Variants in DNAH9 observed in about 807,000 individuals in gnomAD.
The protein encoded by DNAH9 is dynein axonemal heavy chain 9.
Under a neutral mutation model 471.6 loss-of-function variants are expected in DNAH9, and 345 were observed. The observed-to-expected ratio is 0.73, with a 90% confidence interval of 0.67 to 0.80. The LOEUF is 0.80. Among genes scored for constraint, DNAH9 ranks in the 30% least tolerant of loss-of-function variants. DNAH9 has a pLI of 0.00. For missense variants in DNAH9, 5,407 were observed against 5,609.2 expected, an observed-to-expected ratio of 0.96 and a Z score of 1.15; for synonymous variants, 2,093 against 2,123.6, an observed-to-expected ratio of 0.99 and a Z score of 0.40.
intron 67 of DNAH9, among the ~76,000 whole-genome samples, chr17:11,955,064 T>C (rs1004577608): frequency 6.6e-6 from 1 of 152,118 alleles, no homozygotes; most frequent in African/African-American, 2.4e-5. Flanking sequence ...TCTTACAGCA[T>C]ATGTGGAGTG....
In DNAH9 at chr17:11,694,409, C is replaced by T; in HGVS notation, c.4834C>T (p.Leu1612=). 3 of 1,613,438 alleles carry T rather than the reference C, an allele frequency of 1.9e-6. No individual in the cohort carries two copies. The highest frequency in any genetic ancestry group is 2.5e-6 in the Non-Finnish European group (3 of 1,179,908). Residue 1612 remains leucine, a synonymous_variant, in exon 22 of 69, where the codon CTG becomes TTG. Transcript: ENST00000262442. Reference sequence around the variant, plus strand: ...GTTTTACTTTCTCTCCTCCTCCGATCTGTTAGACATCCTTTCCAACGGCAC... The same window carrying T: ...GTTTTACTTTCTCTCCTCCTCCGATTTGTTAGACATCCTTTCCAACGGCAC... ...PRFYFLSSSD[L]LDILSNGTAP...
At position 11,881,087 on chromosome 17, in the gene DNAH9, T is replaced by C. The variant is rs1229483075; in HGVS notation, c.10602-122T>C. On this transcript the variant is annotated intron_variant, in intron 54 of 68. Transcript: ENST00000262442. The stretch of plus-strand genomic sequence containing the variant: ...GTGCAAAAAAGAATCCCAGGGCTCA[T>C]CCTAGACATAGGAGGAATCCATCTG... The C allele has an allele frequency of 4.4e-6, 4 of 907,366 alleles. No individual in the cohort carries two copies. In the Admixed American group the frequency reaches 7.9e-5, roughly 18 times the overall value. The allele number at this position is 907,366 out of a possible 1,614,324, so 56.2% of individuals were successfully genotyped here.
At chr17:11,915,866 T>C (rs1343678112) in intron 61 of DNAH9, among the ~76,000 whole-genome samples, 3 of 152,264 alleles carry the variant, frequency 2.0e-5, no homozygotes, top group African/African-American at 7.2e-5. Flanking sequence ...TTAATCATTC[T>C]GTTATAATTT....
chr17:11,606,044 C>A (rs565219592), intron 1 of DNAH9, among the ~76,000 whole-genome samples: 1 of 152,140 alleles, frequency 6.6e-6, no homozygotes, highest in Non-Finnish European at 1.5e-5. Context: ...TCCTCTTTCC[C>A]GGTTAGGACT....
chr17:11,807,882 C>A lies in DNAH9; in HGVS notation c.8571C>A (p.Ile2857=), dbSNP rs1425176142. 1.2e-6 allele frequency: 2 copies of A among 1,604,920 alleles called. No homozygotes were observed. Among genetic ancestry groups the A allele is most frequent in the South Asian group, 2.2e-5 (2 of 90,654 alleles). The part of the protein sequence containing the change: ...FQITLRKGYQ[I]QDFKMDLASL... ...TCACACTGCGCAAAGGCTACCAGAT[C>A]CAGGACTTCAAGGTAAAAGGTCAGG... Residue 2857 remains isoleucine, a synonymous_variant, in exon 44 of 69, where the codon ATC becomes ATA. Transcript: ENST00000262442.
intron 48 of DNAH9, among the ~76,000 whole-genome samples, chr17:11,826,820 C>CTTTTTTTTTTT (rs760330537): frequency 1.9e-5 from 2 of 103,022 alleles, no homozygotes; most frequent in East Asian, 3.5e-4. Flanking sequence ...TCCCTACTTT[C>CTTTTTTTTTTT]TTTTTTTTTT....
chr17:11,735,965 T>G (rs2075340464), intron 28 of DNAH9, among the ~76,000 whole-genome samples: 1 of 152,214 alleles, frequency 6.6e-6, no homozygotes, highest in African/African-American at 2.4e-5. Flanking sequence ...GCTGCTCCAC[T>G]TACCAACTGT....
chr17:11,775,705 C>A (rs965640027), intron 38 of DNAH9, among the ~76,000 whole-genome samples: 2 of 148,078 alleles, frequency 1.4e-5, no homozygotes, highest in South Asian at 2.2e-4. Context: ...CCTGGGTTCA[C>A]GCCATTCTCC....
At chr17:11,844,869 T>C (rs1313541028) in intron 49 of DNAH9, among the ~76,000 whole-genome samples, 1 of 152,220 alleles carries the variant, frequency 6.6e-6, no homozygotes, top group Non-Finnish European at 1.5e-5. Flanking sequence ...TTGTATTTCA[T>C]TGCGGTTTTG....
chr17:11,869,151 G>A lies in DNAH9; in HGVS notation c.9951G>A (p.Leu3317=), dbSNP rs1432045051. 8 of 1,613,590 alleles carry A rather than the reference G, an allele frequency of 5.0e-6. No homozygotes were observed. In the South Asian group the frequency reaches 8.8e-5, roughly 18 times the overall value. ...KAKIAHLNEN[L]AKLTARFEKA... is the part of the protein sequence containing the mutation. ...CTAAACAGCACCTTAATGAAAACCT[G>A]GCAAAGCTCACAGCCAGGTTTGAGA... The change falls in exon 51 of 69, where the codon CTG becomes CTA. Residue 3317 remains leucine (L), a synonymous_variant. Transcript: ENST00000262442.
chr17:11,699,492 T>A (rs2074553767), intron 22 of DNAH9, among the ~76,000 whole-genome samples: 4 of 152,220 alleles, frequency 2.6e-5, no homozygotes. Context: ...GTGACTTAGT[T>A]GGTTTATAGC....
At chr17:11,961,562 T>C (rs1976184157) in intron 67 of DNAH9, among the ~76,000 whole-genome samples, 1 of 152,170 alleles carries the variant, frequency 6.6e-6, no homozygotes, top group Non-Finnish European at 1.5e-5. Context: ...CCACAAGTGG[T>C]TTAAGGTCTG....
rs188778223 is a variant in DNAH9, at chr17:11,892,285, C to T, written c.11283+338C>T. Among the ~76,000 whole-genome samples the T allele has an allele frequency of 3.3e-5, 5 of 152,276 alleles. No individual in the cohort carries two copies. The highest frequency in any genetic ancestry group is 1.9e-4 in the East Asian group (1 of 5,180). On this transcript the variant is annotated intron_variant, in intron 58 of 68. Transcript: ENST00000262442. This position sits in a 1 kb window ranked among gnomAD's most constrained non-coding sequence, Gnocchi z 4.3. The stretch of plus-strand genomic sequence containing the variant: ...AGATGAAACCATACCAATAACCAGA[C>T]GCTTTTTGAAATGCTGTAAGAAATT...
intron 21 of DNAH9, 31 bp from the exon 22 acceptor site, chr17:11,694,290 A>C (rs1464907237): frequency 6.2e-7 from 1 of 1,612,624 alleles, no homozygotes; most frequent in Non-Finnish European, 8.5e-7. Context: ...AGACATTCTT[A>C]ACTGGGAAAT....
chr17:11,946,675 A>G (rs1490954289), intron 67 of DNAH9, among the ~76,000 whole-genome samples: 3 of 151,372 alleles, frequency 2.0e-5, no homozygotes, highest in Non-Finnish European at 2.9e-5. Flanking sequence ...AAAAAAAAAA[A>G]AAAAAGAAAA....
intron 26 of DNAH9, among the ~76,000 whole-genome samples, chr17:11,716,090 T>C (rs1212720943): frequency 6.7e-6 from 1 of 149,078 alleles, no homozygotes; most frequent in Non-Finnish European, 1.5e-5. Flanking sequence ...CTCTTTTTTT[T>C]TTTTTTTTTT....
At chr17:11,919,531 A>G (rs1326915178) in intron 61 of DNAH9, among the ~76,000 whole-genome samples, 5 of 150,672 alleles carry the variant, frequency 3.3e-5, no homozygotes, top group Admixed American at 3.3e-4. Flanking sequence ...AGAGGGATCC[A>G]TTAGGAGACA....
At position 11,752,970 on chromosome 17, in the gene DNAH9, T is replaced by C; in HGVS notation, c.6738+10T>C. ...CATGGATGATAACAAGGTATGAAAT[T>C]GGGGGATATCCCTAGATCATTTCTA... On this transcript the variant is annotated intron_variant, in intron 33 of 68. Coordinates refer to ENST00000262442, the MANE Select transcript of DNAH9 (RefSeq NM_001372.4). 1 of 1,578,584 alleles carries C rather than the reference T, an allele frequency of 6.3e-7. No homozygotes were observed. The highest frequency in any genetic ancestry group is 1.2e-5 in the South Asian group (1 of 85,070).
At chr17:11,693,291 C>G (rs2074368207) in intron 20 of DNAH9, among the ~76,000 whole-genome samples, 1 of 127,744 alleles carries the variant, frequency 7.8e-6, no homozygotes. Flanking sequence ...GTCGTCCAGG[C>G]TGGAGTACAG....
Sources: gnomAD v4.1 joint callset for allele counts (sites outside exome capture counted in the v4.1 genomes callset) on GRCh38, gnomAD v4.1.1 for gene constraint, Gnocchi (gnomAD v3.1) non-coding constraint, MANE v1.5 for transcripts, NCBI Gene and HGNC (gene_info 2026-07-23, HGNC 2026-07-21) for gene names.